The following NTNG2 variants were observed in gnomAD, a reference collection of about 807,000 sequenced individuals.
NTNG2 encodes netrin G2, also known as netrin-G2.
A neutral mutation model predicts 47.6 loss-of-function variants in NTNG2; 15 were observed. The ratio of observed to expected loss-of-function variants is 0.32; its 90% CI spans 0.21 to 0.49. NTNG2 has a LOEUF of 0.49. Ranked by LOEUF, NTNG2 falls within the 20% of genes least tolerant of loss-of-function variation. The pLI, the probability that NTNG2 is intolerant of heterozygous loss-of-function variation, is 0.99. For synonymous variants in NTNG2, 307 were observed against 324.6 expected (o/e 0.95, Z 0.58); for missense variants, 578 against 764.6 (o/e 0.76, Z 2.88).
At chr9:132,230,482 C>T in intron 4 of NTNG2, 90 bp from the exon 5 acceptor site, 1 of 1,246,628 alleles carries the variant, frequency 8.0e-7, no homozygotes, top group South Asian at 1.3e-5. Context: ...CCTCCAGGTG[C>T]TCCCCTGCCC....
At chr9:132,210,267 C>G (rs574363528) in intron 3 of NTNG2, among the ~76,000 whole-genome samples, 19 of 152,248 alleles carry the variant, frequency 1.2e-4, no homozygotes, top group African/African-American at 4.6e-4. Flanking sequence ...TGGGATCCCG[C>G]TCTTGTAAAG....
chr9:132,186,392 A>G (rs1426430192), intron 2 of NTNG2, among the ~76,000 whole-genome samples: 1 of 152,190 alleles, frequency 6.6e-6, no homozygotes, highest in African/African-American at 2.4e-5. Context: ...GTCCTTTAAG[A>G]AAACAATAAT....
At chr9:132,177,661 T>C (rs1301516872) in intron 2 of NTNG2, among the ~76,000 whole-genome samples, 2 of 152,126 alleles carry the variant, frequency 1.3e-5, no homozygotes, top group African/African-American at 4.8e-5. Flanking sequence ...TTTGTTTGTT[T>C]GTTTGTTTGT....
rs1433235702 is a variant in NTNG2 at position 132,182,255 on chromosome 9, A to G, written c.213+15211A>G. On this transcript the variant is annotated intron_variant, in intron 2 of 7. Transcript: ENST00000393229. This position sits in a 1 kb window ranked among gnomAD's most constrained non-coding sequence, Gnocchi z 4.2. ...TGTTTTTCTGGGGAAGGAGTGGGGG[A>G]AAAAATTGCACCCAACAATGGACAA... Among the ~76,000 whole-genome samples the G allele has an allele frequency of 6.7e-6, 1 of 150,080 alleles. No individual in the cohort carries two copies. The highest frequency in any genetic ancestry group is 1.5e-5 in the Non-Finnish European group (1 of 68,012).
intron 2 of NTNG2, among the ~76,000 whole-genome samples, chr9:132,186,161 T>G (rs1837366368): frequency 6.6e-6 from 1 of 152,202 alleles, no homozygotes; most frequent in Non-Finnish European, 1.5e-5. Flanking sequence ...ATCTGCCTTC[T>G]GTGGTAATGA....
intron 2 of NTNG2, among the ~76,000 whole-genome samples, chr9:132,178,927 A>G (rs1589387111): frequency 7.1e-6 from 1 of 141,658 alleles, no homozygotes; most frequent in South Asian, 2.2e-4. Context: ...GTGCCACTGC[A>G]CTCCAGCCTG....
chr9:132,240,902 C>T lies in NTNG2; in HGVS notation c.1223-8C>T, dbSNP rs553539454. ...CCTGACCGCGCGCCCGTGCCCGTGT[C>T]CGTCCAGAGTGTAACTGCAACCAGA... On this transcript the variant is annotated splice_polypyrimidine_tract_variant and splice_region_variant and intron_variant, in intron 6 of 7. Coordinates refer to ENST00000393229, the MANE Select transcript of NTNG2 (RefSeq NM_032536.4). The T allele has an allele frequency of 6.2e-7, 1 of 1,612,820 alleles. No individual in the cohort carries two copies. Among genetic ancestry groups the T allele is most frequent in the African/African-American group, 1.3e-5 (1 of 75,048 alleles).
intron 2 of NTNG2, among the ~76,000 whole-genome samples, chr9:132,169,994 T>C (rs748359192): frequency 6.6e-6 from 1 of 152,180 alleles, no homozygotes; most frequent in Non-Finnish European, 1.5e-5. Flanking sequence ...GGCGCCCTAA[T>C]GGCGGCCAGA....
At chr9:132,239,075 T>C (rs778560951) in intron 5 of NTNG2, 29 bp from the exon 6 acceptor site, 44 of 1,605,526 alleles carry the variant, frequency 2.7e-5, no homozygotes, top group Non-Finnish European at 3.7e-5. Context: ...TCGCTGACCA[T>C]TGGTATTTCT....
intron 2 of NTNG2, among the ~76,000 whole-genome samples, chr9:132,175,992 A>T (rs924936688): frequency 1.3e-5 from 2 of 152,208 alleles, no homozygotes; most frequent in African/African-American, 2.4e-5. Context: ...TAATCATTTT[A>T]AAAAAGATTT....
chr9:132,216,137 G>A (rs1839951707), intron 3 of NTNG2, among the ~76,000 whole-genome samples: 1 of 152,174 alleles, frequency 6.6e-6, no homozygotes, highest in Non-Finnish European at 1.5e-5. Flanking sequence ...ACCTGGTGCT[G>A]CAGCCCAGCC....
intron 3 of NTNG2, among the ~76,000 whole-genome samples, chr9:132,211,382 C>T (rs967764596): frequency 2.0e-5 from 3 of 152,174 alleles, no homozygotes; most frequent in Admixed American, 2.0e-4. Context: ...TCCCTTCAGT[C>T]TTGCCCTTTC....
rs1378608300 is a variant in NTNG2 at position 132,162,117 on chromosome 9, C to G, written c.-606C>G. ...CGGGAGCGGCGCGGGGAAGGAGCAG[C>G]GGCTCGCAGCCCTCGGCCCGCGCCC... On this transcript the variant is annotated 5_prime_UTR_variant, in exon 1 of 8. Transcript: ENST00000393229. This position sits in a 1 kb window ranked among gnomAD's most constrained non-coding sequence, Gnocchi z 4.6. The G allele has an allele frequency of 6.6e-6, 1 of 150,546 alleles. No homozygotes were observed. Among genetic ancestry groups the G allele is most frequent in the Admixed American group, 6.7e-5 (1 of 15,014 alleles). The allele number at this position is 150,546 out of a possible 1,614,324, so 9.3% of individuals were successfully genotyped here. A position where few individuals can be genotyped will look rare whatever the true frequency, so the allele number is the denominator to read the frequency against.
In NTNG2 at chr9:132,236,340, G is replaced by A. The variant is rs1841626150; in HGVS notation, c.1055-2764G>A. Among the ~76,000 whole-genome samples the A allele has an allele frequency of 6.6e-6, 1 of 152,216 alleles. No homozygotes were observed. On this transcript the variant is annotated intron_variant, in intron 5 of 7. Coordinates refer to ENST00000393229, the MANE Select transcript of NTNG2 (RefSeq NM_032536.4). This position sits in a 1 kb window ranked among gnomAD's most constrained non-coding sequence, Gnocchi z 4.3. ...ACACTGACATCCTCCTGCTACGTGG[G>A]AGGAGACACAGGGCTCATCTGTAGC...
chr9:132,210,622 G>T (rs1017606483), intron 3 of NTNG2, among the ~76,000 whole-genome samples: 18 of 152,342 alleles, frequency 1.2e-4, no homozygotes, highest in Non-Finnish European at 8.8e-5. Flanking sequence ...ACACCCGGCA[G>T]GCTCCTGTCC....
chr9:132,208,091 G>A lies in NTNG2; in HGVS notation c.857+9482G>A, dbSNP rs981092866. 2.6e-5 allele frequency among the ~76,000 whole-genome samples: 4 copies of A among 152,074 alleles called. No individual in the cohort carries two copies. Among genetic ancestry groups the A allele is most frequent in the African/African-American group, 9.7e-5 (4 of 41,388 alleles). ...TGCACTCCAGCCTGGGCAACAGAGCGAGACCCTATCTCAAAACCCAGGGCA... is the reference window on the plus strand; with the variant it reads ...TGCACTCCAGCCTGGGCAACAGAGCAAGACCCTATCTCAAAACCCAGGGCA... On this transcript the variant is annotated intron_variant, in intron 3 of 7. Transcript: ENST00000393229. The surrounding 1 kb of genome is among the most constrained non-coding windows in gnomAD (Gnocchi z 4.0).
intron 3 of NTNG2, among the ~76,000 whole-genome samples, chr9:132,220,461 CTTTT>C (rs201197800): frequency 2.2e-5 from 3 of 137,500 alleles, no homozygotes; most frequent in Admixed American, 7.3e-5. Context: ...TTTCCTTCTT[CTTTT>C]TTTTTTTTTT....
At chr9:132,190,320 G>A (rs115149252) in intron 2 of NTNG2, among the ~76,000 whole-genome samples, 1,885 of 149,856 alleles carry the variant, frequency 0.013, 52 homozygotes, top group African/African-American at 0.044. Context: ...TGGGGGACTC[G>A]CCCAAGCCTG....
rs1372608049 is a variant in NTNG2, at chr9:132,162,535, A to ATT, written c.-484+296_-484+297insTT. Among the ~76,000 whole-genome samples the ATT allele has an allele frequency of 1.3e-5, 1 of 78,236 alleles. No homozygotes were observed. The highest frequency in any genetic ancestry group is 5.8e-5 in the African/African-American group (1 of 17,148). 51.3% of individuals were successfully genotyped at this position (78,236 alleles called of 152,430 possible). ...GGGTCCTTTCCGTCGTGTGTGTGAG[A>ATT]GTGTGTGTGTGTGTGTGTGTGAGAG... On this transcript the variant is annotated intron_variant, in intron 1 of 7. Transcript: ENST00000393229. This position sits in a 1 kb window ranked among gnomAD's most constrained non-coding sequence, Gnocchi z 4.6.
Sources: allele counts gnomAD v4.1 joint callset (sites outside exome capture counted in the v4.1 genomes callset), GRCh38; gene constraint gnomAD v4.1.1; non-coding constraint Gnocchi (gnomAD v3.1); transcripts MANE v1.5; gene names NCBI Gene and HGNC (gene_info 2026-07-23, HGNC 2026-07-21).